PRR14L: variants seen among roughly 807,000 people sequenced by gnomAD.
The protein encoded by PRR14L is proline rich 14 like, also known as protein PRR14L.
A neutral mutation model predicts 155.0 loss-of-function variants in PRR14L; 80 were observed. That is an observed-to-expected ratio of 0.52 (90% CI 0.43 to 0.62). The LOEUF (loss-of-function observed/expected upper bound fraction) is 0.62, where lower values mean the gene tolerates loss of function less well. Ranked by LOEUF, PRR14L falls within the 20% of genes least tolerant of loss-of-function variation. The pLI is 0.00. For synonymous variants in PRR14L, 883 were observed against 916.0 expected (o/e 0.96, Z 0.65); for missense variants, 2,469 against 2,548.0 (o/e 0.97, Z 0.67).
rs1200040344 is a variant in PRR14L, at chr22:31,701,756, G to A, written c.6007C>T (p.Pro2003Ser). Residue 2003 changes from proline (P) to serine (S), a missense_variant, in exon 7 of 9, where the codon CCA (proline) becomes TCA (serine). Physicochemically the swap from Pro to Ser is moderately conservative, Grantham distance 74 (BLOSUM62 -1). Transcript: ENST00000327423. ...GAGACTTTCTTTGGCCTCTTCTCTG[G>A]CTCAGCCTATTTTTAAGGATTAAGA... ...SSPPEQKEAE[P>S]EKRPKKVSQI... 4 of 1,611,380 alleles carry A rather than the reference G, an allele frequency of 2.5e-6. No individual in the cohort carries two copies. Among genetic ancestry groups the A allele is most frequent in the East Asian group, 2.2e-5 (1 of 44,872 alleles).
At chr22:31,685,827 C>T in intron 8 of PRR14L, 24 bp from the exon 9 acceptor site, 2 of 1,545,392 alleles carry the variant, frequency 1.3e-6, no homozygotes, top group South Asian at 1.2e-5. Flanking sequence ...ACGAAACAAT[C>T]ACCAACAGAC....
chr22:31,738,648 A>G lies in PRR14L; in HGVS notation c.213T>C (p.His71=), dbSNP rs1167361254. The part of the protein sequence containing the change: ...RALPLELQRT[H]VESCCEETYE... ...AGGTTTCTTCACAACAACTCTCCAC[A>G]TGAGTCCTCTGCAGCTCCAAGGGCA... The change falls in exon 2 of 9, where the codon CAT becomes CAC. Residue 71 remains histidine, a synonymous_variant. Coordinates refer to ENST00000327423, the MANE Select transcript of PRR14L (RefSeq NM_173566.3). 1.3e-6 allele frequency: 2 copies of G among 1,551,970 alleles called. No homozygotes were observed. Among genetic ancestry groups the G allele is most frequent in the African/African-American group, 1.4e-5 (1 of 73,044 alleles).
chr22:31,744,076 G>A (rs1477093780), intron 1 of PRR14L, among the ~76,000 whole-genome samples: 3 of 147,422 alleles, frequency 2.0e-5, no homozygotes, highest in African/African-American at 7.5e-5. Context: ...GGAGTGTGGT[G>A]GTGCGATCAT....
At chr22:31,729,027 A>G (rs1158974598) in intron 2 of PRR14L, among the ~76,000 whole-genome samples, 2 of 152,162 alleles carry the variant, frequency 1.3e-5, no homozygotes, top group African/African-American at 4.8e-5. Flanking sequence ...CATCCTTGCT[A>G]GTAACCTTTG....
At chr22:31,730,541 C>T (rs539576938) in intron 2 of PRR14L, among the ~76,000 whole-genome samples, 3 of 152,300 alleles carry the variant, frequency 2.0e-5, no homozygotes, top group South Asian at 2.1e-4. Context: ...TGTCCTATCA[C>T]GGTGTTAGGG....
chr22:31,705,096 C>G (rs1329346429), intron 4 of PRR14L, among the ~76,000 whole-genome samples: 1 of 151,884 alleles, frequency 6.6e-6, no homozygotes, highest in African/African-American at 2.4e-5. Context: ...CTTGTTTCCA[C>G]AAAAAATACA....
intron 1 of PRR14L, among the ~76,000 whole-genome samples, chr22:31,746,504 C>A (rs1361853621): frequency 6.6e-6 from 1 of 152,184 alleles, no homozygotes; most frequent in Non-Finnish European, 1.5e-5. Context: ...GACTTATAAT[C>A]AACCTATTGG....
intron 1 of PRR14L, among the ~76,000 whole-genome samples, chr22:31,742,176 T>C (rs1209577268): frequency 6.6e-6 from 1 of 152,216 alleles, no homozygotes; most frequent in East Asian, 1.9e-4. Flanking sequence ...AAGGATATTG[T>C]AAAAGAGCAG....
Position 31,716,411 on chromosome 22 carries a change from A to C in PRR14L, c.1428T>G (p.Asp476Glu). 6.5e-7 allele frequency: 1 copy of C among 1,550,176 alleles called. No individual in the cohort carries two copies. Among genetic ancestry groups the C allele is most frequent in the Middle Eastern group, 1.7e-4 (1 of 5,978 alleles). The change falls in exon 4 of 9, where the codon GAT (aspartate) becomes GAG (glutamate). Residue 476 changes from aspartate (D) to glutamate (E), a missense_variant. Physicochemically the swap from Asp to Glu is conservative, Grantham distance 45. Coordinates refer to ENST00000327423, the MANE Select transcript of PRR14L (RefSeq NM_173566.3). ...CTTGAACGTGTACAGTAATTTTCAA[A>C]TCATTTTTATTTAACATTACTTCTG... ...EATEVMLNKN[D>E]LKITVHVQGN...
At chr22:31,735,250 T>C (rs1471470584) in intron 2 of PRR14L, among the ~76,000 whole-genome samples, 1 of 152,062 alleles carries the variant, frequency 6.6e-6, no homozygotes, top group Non-Finnish European at 1.5e-5. Context: ...CCATCCTGGC[T>C]AACACGGTGA....
chr22:31,727,703 C>T (rs1187073025), intron 2 of PRR14L, among the ~76,000 whole-genome samples: 2 of 152,014 alleles, frequency 1.3e-5, no homozygotes, highest in East Asian at 3.9e-4. Flanking sequence ...GAATCAGGGC[C>T]GGGTGCAGTG....
chr22:31,745,404 A>T (rs1053152049), intron 1 of PRR14L, among the ~76,000 whole-genome samples: 3 of 151,976 alleles, frequency 2.0e-5, no homozygotes, highest in African/African-American at 7.3e-5. Context: ...AAATAAAAAT[A>T]AACTTATTTT....
chr22:31,714,263 T>C lies in PRR14L; in HGVS notation c.3576A>G (p.Glu1192=), dbSNP rs2074641078. The C allele has an allele frequency of 6.4e-7, 1 of 1,551,388 alleles. No homozygotes were observed. The highest frequency in any genetic ancestry group is 8.7e-7 in the Non-Finnish European group (1 of 1,146,970). The change falls in exon 4 of 9, where the codon GAA becomes GAG. Residue 1192 remains glutamate (E), a synonymous_variant. Transcript: ENST00000327423. ...GQQDKGTSLR[E]TQEMTEGSRL... is the part of the protein sequence containing the mutation. ...TTGATCCTTCAGTCATTTCTTGTGTTTCTCTGAGAGATGTTCCTTTATCTT... is the reference window on the plus strand; with the variant it reads ...TTGATCCTTCAGTCATTTCTTGTGTCTCTCTGAGAGATGTTCCTTTATCTT...
Position 31,715,339 on chromosome 22 carries a change from A to T in PRR14L, c.2500T>A (p.Cys834Ser). Reference protein sequence around the residue: ...YENAFQHRDHCCQGTGHSVEK... With the variant: ...YENAFQHRDHSCQGTGHSVEK... ...ACAGAGTGTCCTGTTCCTTGGCAGC[A>T]GTGATCACGGTGCTGAAATGCATTT... The change falls in exon 4 of 9, where the codon TGC (cysteine) becomes AGC (serine). Residue 834 changes from cysteine (C) to serine (S), a missense_variant. Around this residue, in one of 2 missense-constraint regions of PRR14L, gnomAD observed 2,363 missense variants for 2,371.6 expected, o/e 1.00. Transcript: ENST00000327423. The T allele has an allele frequency of 6.4e-7, 1 of 1,552,060 alleles. No individual in the cohort carries two copies. The highest frequency in any genetic ancestry group is 8.7e-7 in the Non-Finnish European group (1 of 1,147,066).
chr22:31,745,592 T>TA (rs1349467404), intron 1 of PRR14L, among the ~76,000 whole-genome samples: 2 of 152,076 alleles, frequency 1.3e-5, no homozygotes, highest in African/African-American at 4.8e-5. Flanking sequence ...ATGCCTGTAA[T>TA]ACCAGCACTT....
intron 7 of PRR14L, among the ~76,000 whole-genome samples, chr22:31,689,235 G>C (rs930972445): frequency 1.3e-5 from 2 of 152,186 alleles, no homozygotes; most frequent in Non-Finnish European, 2.9e-5. Context: ...AGTAGTCCCA[G>C]TTACTTGGGA....
intron 4 of PRR14L, among the ~76,000 whole-genome samples, chr22:31,708,338 T>A (rs1445697546): frequency 6.6e-6 from 1 of 151,984 alleles, no homozygotes; most frequent in Non-Finnish European, 1.5e-5. Context: ...TTTATTTATT[T>A]ATTTTTGAGA....
chr22:31,710,107 A>G (rs977136110), intron 4 of PRR14L, among the ~76,000 whole-genome samples: 1 of 151,518 alleles, frequency 6.6e-6, no homozygotes, highest in Non-Finnish European at 1.5e-5. Context: ...TGCCTGACTA[A>G]TTTTTGTATT....
chr22:31,714,766 G>GT lies in PRR14L; in HGVS notation c.3072dup (p.Leu1025ThrfsTer5). The GT allele has an allele frequency of 6.4e-7, 1 of 1,552,344 alleles. No individual in the cohort carries two copies. Among genetic ancestry groups the GT allele is most frequent in the Non-Finnish European group, 8.7e-7 (1 of 1,147,144 alleles). On this transcript the variant is annotated frameshift_variant, in exon 4 of 9. Transcript: ENST00000327423. LOFTEE classifies it high-confidence loss of function. ...CATTTCTTTGGACTACCACAAGGTA[G>GT]TGAGTTATTACTGCCTGAGCTGACC... is the stretch of plus-strand genomic sequence containing the variant.
Sources: gnomAD v4.1 joint callset for allele counts (sites outside exome capture counted in the v4.1 genomes callset) on GRCh38, gnomAD v4.1.1 for gene constraint, gnomAD v4.1.1 regional missense constraint, MANE v1.5 for transcripts, NCBI Gene and HGNC (gene_info 2026-07-23, HGNC 2026-07-21) for gene names.